TMC6: variants seen among roughly 807,000 people sequenced by gnomAD.
The protein encoded by TMC6 is transmembrane channel-like protein 6.
A neutral mutation model predicts 95.4 loss-of-function variants in TMC6; 71 were observed. The ratio of observed to expected loss-of-function variants is 0.74; its 90% CI spans 0.61 to 0.91. TMC6 has a LOEUF of 0.91. Among genes scored for constraint, TMC6 ranks in the 40% least tolerant of loss-of-function variants. The pLI, the probability that TMC6 is intolerant of heterozygous loss-of-function variation, is 0.00. For missense variants in TMC6, 1,074 were observed against 1,079.1 expected (o/e 1.00, Z 0.07); for synonymous variants, 514 against 483.1 (o/e 1.06, Z -0.84).
intron 18 of TMC6, among the ~76,000 whole-genome samples, chr17:78,114,621 C>T (rs184186689): frequency 8.5e-4 from 129 of 152,172 alleles, no homozygotes; most frequent in Non-Finnish European, 1.4e-3. Flanking sequence ...ACACAGAGAA[C>T]AGGAGTTCTG....
At position 78,122,816 on chromosome 17, in the gene TMC6, A is replaced by C. The variant is rs2074484141; in HGVS notation, c.1083-67T>G. On this transcript the variant is annotated intron_variant, in intron 9 of 19. Coordinates refer to ENST00000590602, the MANE Select transcript of TMC6 (RefSeq NM_001127198.5). The surrounding 1 kb of genome is among the most constrained non-coding windows in gnomAD (Gnocchi z 4.9). Reference sequence around the variant, plus strand: ...CGGGCAGAGGCCAAGGGGAGAAGGCAGACCGGATGCTCTGGGCAGCCAGAC... The same window carrying C: ...CGGGCAGAGGCCAAGGGGAGAAGGCCGACCGGATGCTCTGGGCAGCCAGAC... The C allele has an allele frequency of 2.6e-6, 4 of 1,567,144 alleles. No homozygotes were observed. The highest frequency in any genetic ancestry group is 3.4e-6 in the Non-Finnish European group (4 of 1,162,754).
intron 13 of TMC6, 124 bp from the exon 14 acceptor site, chr17:78,119,516 G>T (rs372910641): frequency 2.1e-5 from 20 of 969,178 alleles, no homozygotes; most frequent in East Asian, 2.1e-4. Context: ...CACAGATAAT[G>T]CCAAGAAGAG....
upstream of TMC6, among the ~76,000 whole-genome samples, chr17:78,130,146 G>C (rs750155588): frequency 6.6e-6 from 1 of 152,222 alleles, no homozygotes; most frequent in Non-Finnish European, 1.5e-5. Context: ...TAGCCTGGGA[G>C]AGCATGAATG....
chr17:78,124,157 A>G lies in TMC6; in HGVS notation c.914T>C (p.Met305Thr). 6.2e-7 allele frequency: 1 copy of G among 1,612,080 alleles called. No individual in the cohort carries two copies. The highest frequency in any genetic ancestry group is 8.5e-7 in the Non-Finnish European group (1 of 1,179,792). Residue 305 changes from methionine (M) to threonine (T), a missense_variant, in exon 9 of 20, where the codon ATG becomes ACG. Met to Thr is a moderately conservative substitution (Grantham distance 81). Coordinates refer to ENST00000590602, the MANE Select transcript of TMC6 (RefSeq NM_001127198.5). ...GGCGTTACTGTAGTGGCCGTAGTACATGACGGTGTGGGTGAAGCAACCCTG... is the reference window on the plus strand; with the variant it reads ...GGCGTTACTGTAGTGGCCGTAGTACGTGACGGTGTGGGTGAAGCAACCCTG... ...TGAGCFTHTV[M>T]YYGHYSNATL... is the part of the protein sequence containing the mutation.
At chr17:78,113,520 T>C in intron 19 of TMC6, 28 bp downstream of exon 19, 3 of 1,611,674 alleles carry the variant, frequency 1.9e-6, no homozygotes, top group Non-Finnish European at 2.5e-6. Flanking sequence ...AGGCTCAGAG[T>C]GTCCCCAATC....
chr17:78,124,304 G>C, intron 8 of TMC6, 125 bp from the exon 9 acceptor site: 2 of 1,390,296 alleles, frequency 1.4e-6, no homozygotes, highest in Non-Finnish European at 2.0e-6. Context: ...ACAGGGAGGG[G>C]CCTTGGCCAC....
At chr17:78,117,749 C>T in intron 16 of TMC6, 53 bp downstream of exon 16, 1 of 1,584,848 alleles carries the variant, frequency 6.3e-7, no homozygotes, top group South Asian at 1.1e-5. Flanking sequence ...CCAGGCACCA[C>T]CACCCAACCC....
rs1180305604 is a variant in TMC6 at position 78,108,723 on chromosome 17, C to G, written c.*4425G>C. On this transcript the variant is annotated 3_prime_UTR_variant, in exon 20 of 20. Transcript: ENST00000590602. Reference sequence around the variant, plus strand: ...CTGGGTGTCCAGGGCACCATTTCCACCCATGGGTGAAAAAGAGGCTTGAGG... The same window carrying G: ...CTGGGTGTCCAGGGCACCATTTCCAGCCATGGGTGAAAAAGAGGCTTGAGG... 1.3e-5 allele frequency: 2 copies of G among 154,028 alleles called. No homozygotes were observed. Among genetic ancestry groups the G allele is most frequent in the Non-Finnish European group, 2.9e-5 (2 of 68,180 alleles). 9.5% of individuals were successfully genotyped at this position (154,028 alleles called of 1,614,324 possible).
rs1598807764 is a variant in TMC6 at position 78,109,049 on chromosome 17, A to C, written c.*4099T>G. 1.0e-5 allele frequency: 2 copies of C among 191,540 alleles called. No homozygotes were observed. The highest frequency in any genetic ancestry group is 5.4e-5 in the Admixed American group (1 of 18,356). The allele number at this position is 191,540 out of a possible 1,614,324, so 11.9% of individuals were successfully genotyped here. A position where few individuals can be genotyped will look rare whatever the true frequency, so the allele number is the denominator to read the frequency against. ...TTTATTTTTGTAGAGATAGGGTCTCACCATGTTGCCCAGGCTGATCTCGAA... is the reference window on the plus strand; with the variant it reads ...TTTATTTTTGTAGAGATAGGGTCTCCCCATGTTGCCCAGGCTGATCTCGAA... On this transcript the variant is annotated 3_prime_UTR_variant, in exon 20 of 20. Transcript: ENST00000590602.
intron 1 of TMC6, among the ~76,000 whole-genome samples, chr17:78,127,180 C>T (rs2074761953): frequency 6.6e-6 from 1 of 152,190 alleles, no homozygotes; most frequent in Non-Finnish European, 1.5e-5. Flanking sequence ...TCGCCAGTCC[C>T]TGGGAAATGG....
rs763618782 is a variant in TMC6, at chr17:78,126,347, G to C, written c.201C>G (p.Leu67=). The C allele has an allele frequency of 6.3e-7, 1 of 1,586,266 alleles. No homozygotes were observed. Among genetic ancestry groups the C allele is most frequent in the South Asian group, 1.1e-5 (1 of 88,704 alleles). ...REVTGSSQQT[L]WRPEGTQSTA... ...TGCTCTGGGTGCCCTCGGGCCGCCA[G>C]AGTGTCTGCTGGCTACTTCCTACAA... The change falls in exon 4 of 20, where the codon CTC becomes CTG. Residue 67 remains leucine (L), a synonymous_variant. Coordinates refer to ENST00000590602, the MANE Select transcript of TMC6 (RefSeq NM_001127198.5).
At chr17:78,115,477 A>ATGGAAAAGC (rs2074022663) in intron 18 of TMC6, among the ~76,000 whole-genome samples, 1 of 152,170 alleles carries the variant, frequency 6.6e-6, no homozygotes. Flanking sequence ...TGGAAAAGCC[A>ATGGAAAAGC]CAGGACCTGC....
intron 18 of TMC6, among the ~76,000 whole-genome samples, chr17:78,116,196 C>T (rs1567983882): frequency 6.6e-6 from 1 of 151,480 alleles, no homozygotes; most frequent in Non-Finnish European, 1.5e-5. Flanking sequence ...AGGCTGGTCT[C>T]GACCTCCTGA....
upstream of TMC6, chr17:78,132,011 G>A (rs201749146): frequency 1.2e-3 from 1,848 of 1,532,924 alleles, 20 homozygotes; most frequent in African/African-American, 0.021. Context: ...TCTGGGAGGG[G>A]GCGCTCTACG....
At chr17:78,125,012 C>T (rs1265014978) in intron 6 of TMC6, 27 bp from the exon 7 acceptor site, 1 of 1,563,314 alleles carries the variant, frequency 6.4e-7, no homozygotes, top group Non-Finnish European at 8.6e-7. Flanking sequence ...CCATAGGTGC[C>T]TGGACCAATG....
chr17:78,131,533 C>A (rs2074964532), upstream of TMC6: 24 of 1,533,674 alleles, frequency 1.6e-5, no homozygotes, highest in Non-Finnish European at 1.9e-5. Context: ...CAACCGGGGA[C>A]TCATATCCCC....
chr17:78,117,795 C>T lies in TMC6; in HGVS notation c.2021+7G>A, dbSNP rs1249849794. 11 of 1,604,856 alleles carry T rather than the reference C, an allele frequency of 6.9e-6. No individual in the cohort carries two copies. The highest frequency in any genetic ancestry group is 1.7e-6 in the Non-Finnish European group (2 of 1,176,080). Reference sequence around the variant, plus strand: ...CAGAAGGGTCTCCCTCCACCCGCCCCACTCACTGCCAGACGGCGTAGCAGA... The same window carrying T: ...CAGAAGGGTCTCCCTCCACCCGCCCTACTCACTGCCAGACGGCGTAGCAGA... On this transcript the variant is annotated splice_region_variant and intron_variant, in intron 16 of 19. Coordinates refer to ENST00000590602, the MANE Select transcript of TMC6 (RefSeq NM_001127198.5).
rs368246861 is a variant in TMC6, at chr17:78,112,244, G to A, written c.*904C>T. 65 of 268,630 alleles carry A rather than the reference G, an allele frequency of 2.4e-4. 1 individual carries two copies. The highest frequency in any genetic ancestry group is 2.0e-3 in the East Asian group (13 of 6,428). The allele number at this position is 268,630 out of a possible 1,614,324, so 16.6% of individuals were successfully genotyped here. A position where few individuals can be genotyped will look rare whatever the true frequency, so the allele number is the denominator to read the frequency against. On this transcript the variant is annotated 3_prime_UTR_variant, in exon 20 of 20. Coordinates refer to ENST00000590602, the MANE Select transcript of TMC6 (RefSeq NM_001127198.5). ...AACTGAGGCTGACGGGCTGGTCCCC[G>A]CAGGCCTGGAGCCCTGGGCTGTGAT...
At chr17:78,124,333 G>T in intron 8 of TMC6, 154 bp from the exon 9 acceptor site, 1 of 1,332,000 alleles carries the variant, frequency 7.5e-7, no homozygotes, top group Non-Finnish European at 1.0e-6. Context: ...TGGGCCTCCA[G>T]CCCCATGGGA....
Sources: allele counts gnomAD v4.1 joint callset (sites outside exome capture counted in the v4.1 genomes callset), GRCh38; gene constraint gnomAD v4.1.1; non-coding constraint Gnocchi (gnomAD v3.1); transcripts MANE v1.5; gene names NCBI Gene and HGNC (gene_info 2026-07-23, HGNC 2026-07-21).